ANOS1: variants seen among roughly 807,000 people sequenced by gnomAD.
ANOS1 encodes the protein anosmin-1.
A neutral mutation model predicts 59.0 loss-of-function variants in ANOS1; 6 were observed. The ratio of observed to expected loss-of-function variants is 0.10; its 90% CI spans 0.06 to 0.20. ANOS1 has a LOEUF of 0.20. Ranked by LOEUF, ANOS1 falls within the 10% of genes least tolerant of loss-of-function variation. ANOS1 has a pLI of 1.00. For synonymous variants in ANOS1, 217 were observed against 223.4 expected (o/e 0.97, Z 0.25); for missense variants, 433 against 542.3 (o/e 0.80, Z 2.00).
At chrX:8,694,896 C>T (rs1351420187) in intron 2 of ANOS1, among the ~76,000 whole-genome samples, 1 of 111,173 alleles carries the variant, frequency 9.0e-6, no homozygotes, top group African/African-American at 3.3e-5. Flanking sequence ...TTTTTTATGC[C>T]AAAGGTGTAT....
At chrX:8,614,712 C>T (rs1931128673) in intron 3 of ANOS1, among the ~76,000 whole-genome samples, 1 of 110,076 alleles carries the variant, frequency 9.1e-6, no homozygotes, top group African/African-American at 3.3e-5. Flanking sequence ...ACTCCCCTAA[C>T]TCCTTATGTG....
chrX:8,730,994 G>A (rs894172547), intron 1 of ANOS1, among the ~76,000 whole-genome samples: 1 of 111,600 alleles, frequency 9.0e-6, no homozygotes, highest in Admixed American at 9.4e-5. Context: ...CCAAGCGCGC[G>A]GCTCCCGGAG....
intron 6 of ANOS1, among the ~76,000 whole-genome samples, chrX:8,578,289 G>C (rs1930363815): frequency 9.8e-6 from 1 of 102,060 alleles, no homozygotes; most frequent in Non-Finnish European, 2.0e-5. Flanking sequence ...TTCCAGACTT[G>C]GCAGTTGGGG....
chrX:8,568,644 G>A (rs1930164166), intron 7 of ANOS1, among the ~76,000 whole-genome samples: 1 of 109,475 alleles, frequency 9.1e-6, no homozygotes, highest in African/African-American at 3.3e-5. Flanking sequence ...GACTACCTGG[G>A]CAACATAGCA....
rs780663223 is a variant in ANOS1, at chrX:8,597,027, C to T, written c.541+7G>A. The T allele has an allele frequency of 8.3e-7, 1 of 1,211,742 alleles. No individual in the cohort carries two copies. ...TGTGTCTTCACACCCCCAGTGCTGC[C>T]CCTTACCTTTGTACAGAGTCTTGGG... is the stretch of plus-strand genomic sequence containing the variant. On this transcript the variant is annotated splice_region_variant and intron_variant, in intron 4 of 13. Coordinates refer to ENST00000262648, the MANE Select transcript of ANOS1 (RefSeq NM_000216.4).
chrX:8,699,175 CA>C (rs1932726924), intron 2 of ANOS1, among the ~76,000 whole-genome samples: 2 of 111,245 alleles, frequency 1.8e-5, no homozygotes, highest in East Asian at 5.6e-4. Flanking sequence ...TTATATCAAA[CA>C]TATAAATAAG....
chrX:8,578,217 G>A (rs1236069233), intron 6 of ANOS1, among the ~76,000 whole-genome samples: 1 of 110,224 alleles, frequency 9.1e-6, no homozygotes, highest in Admixed American at 9.7e-5. Context: ...ATATAACTGT[G>A]TCACAAAGTT....
intron 3 of ANOS1, among the ~76,000 whole-genome samples, chrX:8,621,130 C>T (rs1312000848): frequency 9.0e-6 from 1 of 111,078 alleles, no homozygotes; most frequent in African/African-American, 3.3e-5. Context: ...ATTTGGGAGG[C>T]CAAGGCAGGC....
At chrX:8,562,141 A>G (rs1184393267) in intron 8 of ANOS1, among the ~76,000 whole-genome samples, 1 of 110,448 alleles carries the variant, frequency 9.1e-6, no homozygotes, top group African/African-American at 3.3e-5. Context: ...GGGTTTTACC[A>G]TGTTGGCCAG....
intron 2 of ANOS1, among the ~76,000 whole-genome samples, chrX:8,656,564 G>T (rs1931933495): frequency 9.0e-6 from 1 of 111,168 alleles, no homozygotes; most frequent in South Asian, 3.8e-4. Flanking sequence ...CGTCTAAGTT[G>T]CTAAGCTTTT....
chrX:8,583,141 A>G (rs1262613524), intron 6 of ANOS1, among the ~76,000 whole-genome samples: 1 of 100,025 alleles, frequency 1.0e-5, no homozygotes, highest in Admixed American at 1.1e-4. Flanking sequence ...TTTTTTTCCC[A>G]AATAGGCTTT....
chrX:8,627,184 G>A (rs945628570), intron 2 of ANOS1, among the ~76,000 whole-genome samples: 4 of 112,221 alleles, frequency 3.6e-5, no homozygotes, highest in African/African-American at 9.7e-5. Context: ...GGCTAACAAC[G>A]TCTGAAAATA....
chrX:8,548,103 T>A (rs1361946119), intron 9 of ANOS1, among the ~76,000 whole-genome samples: 1 of 112,569 alleles, frequency 8.9e-6, no homozygotes, highest in African/African-American at 3.2e-5. Flanking sequence ...AAGACTCTTA[T>A]TACTGTTTGC....
intron 4 of ANOS1, among the ~76,000 whole-genome samples, chrX:8,594,252 T>C (rs901275040): frequency 9.1e-6 from 1 of 110,263 alleles, no homozygotes; most frequent in Non-Finnish European, 1.9e-5. Flanking sequence ...TATTTCACAT[T>C]AGTTTGGGGC....
chrX:8,619,070 C>CAAA lies in ANOS1; in HGVS notation c.318+4535_318+4537dup, dbSNP rs1164164251. On this transcript the variant is annotated intron_variant, in intron 3 of 13. Transcript: ENST00000262648. ...CCTGGGCGACAGAGCAAACCTCTCT[C>CAAA]AAAAAAAAAAAAAAAAAAAAAAAAA... 7.7e-3 allele frequency among the ~76,000 whole-genome samples: 337 copies of CAAA among 43,928 alleles called. 2 individuals carry two copies. Among genetic ancestry groups the CAAA allele is most frequent in the East Asian group, 0.01 (8 of 763 alleles). The allele number at this position is 43,928 out of a possible 115,157, so 38.1% of individuals were successfully genotyped here.
In ANOS1 at chrX:8,668,883, G is replaced by A. The variant is rs950946988; in HGVS notation, c.255+30815C>T. On this transcript the variant is annotated intron_variant, in intron 2 of 13. Coordinates refer to ENST00000262648, the MANE Select transcript of ANOS1 (RefSeq NM_000216.4). ...TTGACTGATCGACTTTGAGTCAAAAGGTTTGGGATGAGAAAGGGGAGTCAC... is the reference window on the plus strand; with the variant it reads ...TTGACTGATCGACTTTGAGTCAAAAAGTTTGGGATGAGAAAGGGGAGTCAC... Among the ~76,000 whole-genome samples the A allele has an allele frequency of 2.7e-5, 3 of 111,369 alleles. No homozygotes were observed. The South Asian group carries it at 1.1e-3, about 42-fold the overall frequency.
At chrX:8,702,660 C>A (rs1932762697) in intron 1 of ANOS1, among the ~76,000 whole-genome samples, 2 of 112,042 alleles carry the variant, frequency 1.8e-5, no homozygotes, top group African/African-American at 6.5e-5. Flanking sequence ...AGAGGGGTTT[C>A]ATAGTTAAAG....
intron 9 of ANOS1, among the ~76,000 whole-genome samples, chrX:8,541,419 CAAAAA>C (rs1929685846): frequency 2.6e-5 from 2 of 77,624 alleles, no homozygotes; most frequent in Non-Finnish European, 5.5e-5. Context: ...ACCCCCCCCC[CAAAAA>C]CAAAAAAACA....
In ANOS1 at chrX:8,685,271, A is replaced by G. The variant is rs911691342; in HGVS notation, c.255+14427T>C. ...TGAGCTATTGCTATTAATATAATGAACACAGTATCGACAGAGTGGCCATTC... is the reference window on the plus strand; with the variant it reads ...TGAGCTATTGCTATTAATATAATGAGCACAGTATCGACAGAGTGGCCATTC... On this transcript the variant is annotated intron_variant, in intron 2 of 13. Transcript: ENST00000262648. Among the ~76,000 whole-genome samples, 4 of 110,594 alleles carry G rather than the reference A, an allele frequency of 3.6e-5. No individual in the cohort carries two copies. The South Asian group carries it at 1.1e-3, about 32-fold the overall frequency.
Sources: allele counts gnomAD v4.1 joint callset (sites outside exome capture counted in the v4.1 genomes callset), GRCh38; gene constraint gnomAD v4.1.1; transcripts MANE v1.5; gene names NCBI Gene and HGNC (gene_info 2026-07-23, HGNC 2026-07-21).